LRRFIP1: variants seen among roughly 807,000 people sequenced by gnomAD.
LRRFIP1 encodes the protein LRR binding FLII interacting protein 1.
A neutral mutation model predicts 104.4 loss-of-function variants in LRRFIP1; 62 were observed. The observed-to-expected ratio is 0.59, with a 90% CI of 0.48 to 0.73. LRRFIP1 has a LOEUF of 0.73. Ranked by LOEUF, LRRFIP1 falls within the 30% of genes least tolerant of loss-of-function variation. The probability of loss-of-function intolerance (pLI) is 0.00; values close to 1 mark genes in which losing one functional copy is unlikely to be tolerated. For synonymous variants in LRRFIP1, 300 were observed against 299.0 expected (o/e 1.00, Z -0.03); for missense variants, 796 against 824.5 (o/e 0.97, Z 0.42).
intron 1 of LRRFIP1, among the ~76,000 whole-genome samples, chr2:237,700,173 G>A (rs1422176211): frequency 2.6e-5 from 4 of 152,198 alleles, no homozygotes; most frequent in South Asian, 2.1e-4. Flanking sequence ...GGGTTGGGGG[G>A]TTTGCAGAGA....
At chr2:237,741,601 G>A (rs2057086195) in intron 11 of LRRFIP1, among the ~76,000 whole-genome samples, 1 of 152,148 alleles carries the variant, frequency 6.6e-6, no homozygotes, top group African/African-American at 2.4e-5. Flanking sequence ...GCTGAGGCAG[G>A]TGGATCACTT....
intron 4 of LRRFIP1, among the ~76,000 whole-genome samples, chr2:237,718,719 C>G (rs148972484): frequency 1.4e-3 from 215 of 152,298 alleles, no homozygotes; most frequent in African/African-American, 4.9e-3. Context: ...ATAAAATGAT[C>G]TGAGGAAAAT....
rs551083633 is a variant in LRRFIP1, at chr2:237,710,582, G to A, written c.183+1952G>A. 2.0e-4 allele frequency among the ~76,000 whole-genome samples: 31 copies of A among 152,114 alleles called. No homozygotes were observed. The South Asian group carries it at 4.6e-3, about 22-fold the overall frequency. ...GACTACAGGTGTTAGCCATCACACC[G>A]GCCCCATATTAGAATTGATTTAAAT... On this transcript the variant is annotated intron_variant, in intron 2 of 23. Coordinates refer to ENST00000308482, the MANE Select transcript of LRRFIP1 (RefSeq NM_001137550.2).
Position 237,766,578 on chromosome 2 carries a change from A to G in LRRFIP1, c.1460-3365A>G, listed in dbSNP as rs867265624. Among the ~76,000 whole-genome samples, 26 of 152,188 alleles carry G rather than the reference A, an allele frequency of 1.7e-4. No homozygotes were observed. Among genetic ancestry groups the G allele is most frequent in the African/African-American group, 6.0e-4 (25 of 41,446 alleles). The stretch of plus-strand genomic sequence containing the variant: ...ACACATCACATCCCTCAGCTCAGCC[A>G]TCCAGCCGTCTCAGTGATTCACCAC... On this transcript the variant is annotated intron_variant, in intron 19 of 23. Transcript: ENST00000308482. This position sits in a 1 kb window ranked among gnomAD's most constrained non-coding sequence, Gnocchi z 4.8.
At chr2:237,753,256 C>T in intron 14 of LRRFIP1, 53 bp from the exon 15 acceptor site, 2 of 1,403,226 alleles carry the variant, frequency 1.4e-6, no homozygotes, top group East Asian at 2.5e-5. Context: ...CTGAATGATT[C>T]TTTGTTTTGA....
At position 237,691,094 on chromosome 2, in the gene LRRFIP1, G is replaced by A. The variant is rs965104681; in HGVS notation, c.97-17450G>A. Among the ~76,000 whole-genome samples, 21 of 151,804 alleles carry A rather than the reference G, an allele frequency of 1.4e-4. No homozygotes were observed. Among genetic ancestry groups the A allele is most frequent in the African/African-American group, 4.9e-4 (20 of 41,102 alleles). On this transcript the variant is annotated intron_variant, in intron 1 of 23. Coordinates refer to ENST00000308482, the MANE Select transcript of LRRFIP1 (RefSeq NM_001137550.2). This position sits in a 1 kb window ranked among gnomAD's most constrained non-coding sequence, Gnocchi z 5.4. ...GGAAGGTGAGTGCTCACAGGCGCGA[G>A]CTCACGTTACCAAGTTGGGTCAGCG...
chr2:237,758,048 A>T (rs896625415), intron 17 of LRRFIP1, among the ~76,000 whole-genome samples: 3 of 152,142 alleles, frequency 2.0e-5, no homozygotes, highest in Non-Finnish European at 1.5e-5. Context: ...ATTGAAGGAT[A>T]GGGGGAACAG....
chr2:237,661,809 T>G lies in LRRFIP1; in HGVS notation c.96+34069T>G, dbSNP rs2088029488. The stretch of plus-strand genomic sequence containing the variant: ...CCTGAGTCAATCCGCTGTAGTTCTG[T>G]GGCCCAGCTGAGTGGCATAGGCTCT... On this transcript the variant is annotated intron_variant, in intron 1 of 23. Transcript: ENST00000308482. The surrounding 1 kb of genome is among the most constrained non-coding windows in gnomAD (Gnocchi z 4.4). 6.6e-6 allele frequency among the ~76,000 whole-genome samples: 1 copy of G among 152,190 alleles called. No homozygotes were observed. Among genetic ancestry groups the G allele is most frequent in the African/African-American group, 2.4e-5 (1 of 41,440 alleles).
intron 18 of LRRFIP1, among the ~76,000 whole-genome samples, chr2:237,759,306 C>T (rs10175335): frequency 0.095 from 14,501 of 152,054 alleles, 1,181 homozygotes; most frequent in African/African-American, 0.22. Context: ...CGTCTTCAGC[C>T]GCTGCTTGAC....
At chr2:237,728,126 A>C (rs889578822) in intron 8 of LRRFIP1, among the ~76,000 whole-genome samples, 191 bp downstream of exon 8, 1 of 152,190 alleles carries the variant, frequency 6.6e-6, no homozygotes, top group African/African-American at 2.4e-5. Context: ...CATTCTGAGA[A>C]TGTTAGCCCT....
At chr2:237,765,428 C>T in intron 19 of LRRFIP1, 1 of 819,650 alleles carries the variant, frequency 1.2e-6, no homozygotes, top group Non-Finnish European at 1.4e-6. Flanking sequence ...GAGTGAGACA[C>T]TGTCTCTAAA....
intron 1 of LRRFIP1, among the ~76,000 whole-genome samples, chr2:237,642,700 C>T (rs961675861): frequency 5.9e-5 from 9 of 152,036 alleles, no homozygotes; most frequent in African/African-American, 1.2e-4. Flanking sequence ...TTCCAGGTTC[C>T]AGGCTCCAGG....
chr2:237,741,461 A>G (rs1257516345), intron 11 of LRRFIP1, among the ~76,000 whole-genome samples: 2 of 152,246 alleles, frequency 1.3e-5, no homozygotes, highest in South Asian at 2.1e-4. Flanking sequence ...TAAAACTACC[A>G]GGAAGAAACA....
rs367763368 is a variant in LRRFIP1, at chr2:237,772,932, C to T, written c.1694C>T (p.Ala565Val). 114 of 1,612,822 alleles carry T rather than the reference C, an allele frequency of 7.1e-5. No homozygotes were observed. The highest frequency in any genetic ancestry group is 9.0e-5 in the Non-Finnish European group (106 of 1,178,964). ...GCAAAATCTGAGCAAGAGATAACTGCATTAGAACAAAATGTACGTGTAAGC... is the reference window on the plus strand; with the variant it reads ...GCAAAATCTGAGCAAGAGATAACTGTATTAGAACAAAATGTACGTGTAAGC... ...KLAKSEQEITALEQNVIRLES... is the reference protein window; with the variant it reads ...KLAKSEQEITVLEQNVIRLES... The change falls in exon 22 of 24, where the codon GCA becomes GTA. Residue 565 changes from alanine (A) to valine (V), a missense_variant. Coordinates refer to ENST00000308482, the MANE Select transcript of LRRFIP1 (RefSeq NM_001137550.2).
intron 13 of LRRFIP1, 76 bp downstream of exon 13, chr2:237,749,400 G>A (rs2058294261): frequency 7.1e-7 from 1 of 1,410,086 alleles, no homozygotes. Flanking sequence ...AAAAAAAAAA[G>A]TTAATTCATA....
chr2:237,754,865 G>A (rs1333296328), intron 15 of LRRFIP1, among the ~76,000 whole-genome samples: 1 of 152,164 alleles, frequency 6.6e-6, no homozygotes, highest in African/African-American at 2.4e-5. Context: ...TCATTCAGTG[G>A]ACTGAAAACT....
chr2:237,712,613 G>A (rs1007485967), intron 2 of LRRFIP1, among the ~76,000 whole-genome samples: 2 of 152,218 alleles, frequency 1.3e-5, no homozygotes, highest in Non-Finnish European at 2.9e-5. Flanking sequence ...GTACTCGTGT[G>A]TGCGCACGCA....
intron 15 of LRRFIP1, among the ~76,000 whole-genome samples, chr2:237,755,527 G>C (rs142663019): frequency 2.0e-5 from 3 of 152,188 alleles, no homozygotes; most frequent in African/African-American, 7.2e-5. Context: ...TTGCTTCACT[G>C]TAGATAAGAA....
chr2:237,742,151 A>C (rs866028499), intron 11 of LRRFIP1, among the ~76,000 whole-genome samples: 1 of 152,202 alleles, frequency 6.6e-6, no homozygotes. Context: ...ATTTGTATAA[A>C]ATTTACTCAC....
Sources: gnomAD v4.1 joint callset for allele counts (sites outside exome capture counted in the v4.1 genomes callset) on GRCh38, gnomAD v4.1.1 for gene constraint, Gnocchi (gnomAD v3.1) non-coding constraint, MANE v1.5 for transcripts, NCBI Gene and HGNC (gene_info 2026-07-23, HGNC 2026-07-21) for gene names.